Variants in PEX5L observed in about 807,000 individuals in gnomAD.
PEX5L encodes PEX5-related protein.
PEX5L carries 30 observed loss-of-function variants against 84.0 expected under a neutral mutation model. That is an observed-to-expected ratio of 0.36 (90% CI 0.27 to 0.48). The LOEUF (loss-of-function observed/expected upper bound fraction) is 0.48. PEX5L is among the 20% of genes least tolerant of loss of function. The pLI is 0.99. For missense variants in PEX5L, 533 were observed against 754.6 expected (o/e 0.71, Z 3.44); for synonymous variants, 270 against 283.1 (o/e 0.95, Z 0.46).
intron 8 of PEX5L, among the ~76,000 whole-genome samples, chr3:179,858,486 A>G (rs1180633494): frequency 2.0e-5 from 3 of 152,118 alleles, no homozygotes; most frequent in Non-Finnish European, 4.4e-5. Context: ...GACTAAATAC[A>G]GAAATCAATG....
At chr3:179,982,114 C>T (rs1786386388) in intron 1 of PEX5L, among the ~76,000 whole-genome samples, 1 of 152,054 alleles carries the variant, frequency 6.6e-6, no homozygotes, top group Non-Finnish European at 1.5e-5. Context: ...AGGACAAAAC[C>T]TTATAATGGG....
chr3:179,921,223 A>ATTTTT (rs1304816326), intron 2 of PEX5L, among the ~76,000 whole-genome samples: 3 of 152,100 alleles, frequency 2.0e-5, no homozygotes, highest in African/African-American at 7.2e-5. Context: ...AAAAATTTGG[A>ATTTTT]CTTTCCACAT....
At chr3:179,913,888 T>C (rs1253792516) in intron 2 of PEX5L, among the ~76,000 whole-genome samples, 1 of 152,214 alleles carries the variant, frequency 6.6e-6, no homozygotes, top group Non-Finnish European at 1.5e-5. Flanking sequence ...TTAATTATTT[T>C]ATTTTTAAGT....
intron 2 of PEX5L, among the ~76,000 whole-genome samples, chr3:179,924,393 G>A (rs758002834): frequency 1.3e-5 from 2 of 152,102 alleles, no homozygotes; most frequent in African/African-American, 2.4e-5. Flanking sequence ...CATCAATGTC[G>A]AGTCCCTGGG....
chr3:179,849,527 C>T (rs1364614790), intron 8 of PEX5L, among the ~76,000 whole-genome samples: 1 of 152,144 alleles, frequency 6.6e-6, no homozygotes, highest in Admixed American at 6.6e-5. Flanking sequence ...TTCCACATAC[C>T]TTATTATGCT....
intron 2 of PEX5L, among the ~76,000 whole-genome samples, chr3:179,938,421 C>T (rs1289390746): frequency 6.6e-6 from 1 of 152,206 alleles, no homozygotes; most frequent in African/African-American, 2.4e-5. Flanking sequence ...TCTGGTTACT[C>T]TGGAGATTTA....
rs566535275 is a variant in PEX5L at position 179,897,082 on chromosome 3, A to G, written c.198+1060T>C. On this transcript the variant is annotated intron_variant, in intron 3 of 14. Transcript: ENST00000467460. ...TGTTATAATTTTTATAACTTACAACATAGTATTTAGAATAAAGTAAAACCA... is the reference window on the plus strand; with the variant it reads ...TGTTATAATTTTTATAACTTACAACGTAGTATTTAGAATAAAGTAAAACCA... Among the ~76,000 whole-genome samples the G allele has an allele frequency of 5.3e-5, 8 of 152,260 alleles. No individual in the cohort carries two copies. The East Asian group carries it at 1.5e-3, about 29-fold the overall frequency.
At chr3:179,992,136 G>T (rs1018352452) in intron 1 of PEX5L, among the ~76,000 whole-genome samples, 1 of 152,084 alleles carries the variant, frequency 6.6e-6, no homozygotes, top group African/African-American at 2.4e-5. Flanking sequence ...ACAGAGTAGA[G>T]ACACAGAAAG....
At chr3:179,945,030 T>C (rs1417529069) in intron 2 of PEX5L, among the ~76,000 whole-genome samples, 1 of 152,250 alleles carries the variant, frequency 6.6e-6, no homozygotes, top group African/African-American at 2.4e-5. Context: ...TGAGAAAAGC[T>C]GTGCAATGCT....
chr3:180,036,546 A>G (rs564398614), intron 1 of PEX5L, 33 bp downstream of exon 1: 20 of 1,609,432 alleles, frequency 1.2e-5, no homozygotes, highest in South Asian at 9.9e-5. Context: ...TTAGCCCCCA[A>G]GAATTCTCTC....
intron 2 of PEX5L, among the ~76,000 whole-genome samples, chr3:179,900,505 A>C (rs1256346825): frequency 6.6e-6 from 1 of 152,190 alleles, no homozygotes; most frequent in Non-Finnish European, 1.5e-5. Context: ...GTGCAACTAT[A>C]ATAGCTAGAG....
At chr3:179,999,493 G>T (rs559034591) in intron 1 of PEX5L, among the ~76,000 whole-genome samples, 6 of 152,292 alleles carry the variant, frequency 3.9e-5, no homozygotes, top group East Asian at 3.9e-4. Flanking sequence ...TGCCCAATTT[G>T]CCAGCAGCAG....
chr3:179,905,970 G>A (rs1305652030), intron 2 of PEX5L, among the ~76,000 whole-genome samples: 1 of 152,024 alleles, frequency 6.6e-6, no homozygotes, highest in Non-Finnish European at 1.5e-5. Flanking sequence ...ACATTATATG[G>A]CCAACTTTGA....
At chr3:179,939,548 G>A (rs1403287373) in intron 2 of PEX5L, among the ~76,000 whole-genome samples, 1 of 152,154 alleles carries the variant, frequency 6.6e-6, no homozygotes, top group Non-Finnish European at 1.5e-5. Flanking sequence ...GGGCTTTAGG[G>A]GTAATGTATG....
intron 1 of PEX5L, among the ~76,000 whole-genome samples, chr3:180,011,516 T>C (rs1789482954): frequency 6.6e-6 from 1 of 152,208 alleles, no homozygotes; most frequent in African/African-American, 2.4e-5. Context: ...TGCCAAGCAT[T>C]TTACTAATGT....
At chr3:180,020,520 G>T (rs1322912513) in intron 1 of PEX5L, among the ~76,000 whole-genome samples, 1 of 151,764 alleles carries the variant, frequency 6.6e-6, no homozygotes, top group Non-Finnish European at 1.5e-5. Context: ...TTATTTTACT[G>T]GGAAAAGCTT....
intron 8 of PEX5L, among the ~76,000 whole-genome samples, chr3:179,839,306 T>C (rs907516310): frequency 2.0e-5 from 3 of 152,238 alleles, no homozygotes; most frequent in Admixed American, 6.5e-5. Flanking sequence ...TTAAATACAC[T>C]GTAATTCAGC....
chr3:179,922,282 A>G (rs1413051649), intron 2 of PEX5L, among the ~76,000 whole-genome samples: 2 of 152,164 alleles, frequency 1.3e-5, no homozygotes, highest in Non-Finnish European at 2.9e-5. Context: ...TACGCAAATA[A>G]TTTCAAGCAT....
intron 1 of PEX5L, among the ~76,000 whole-genome samples, chr3:179,993,450 G>A (rs978507467): frequency 5.9e-5 from 9 of 152,050 alleles, no homozygotes; most frequent in Non-Finnish European, 1.0e-4. Context: ...TATACAAAAT[G>A]CTGTAGTATT....
Sources: gnomAD v4.1 joint callset for allele counts (sites outside exome capture counted in the v4.1 genomes callset) on GRCh38, gnomAD v4.1.1 for gene constraint, MANE v1.5 for transcripts, NCBI Gene and HGNC (gene_info 2026-07-23, HGNC 2026-07-21) for gene names.